The following ETV1 variants were observed in gnomAD, a reference collection of about 807,000 sequenced individuals.
ETV1 encodes ETS translocation variant 1.
ETV1 carries 27 observed loss-of-function variants against 62.3 expected under a neutral mutation model. The ratio of observed to expected loss-of-function variants is 0.43; its 90% CI spans 0.32 to 0.60. ETV1 has a LOEUF of 0.60. Ranked by LOEUF, ETV1 falls within the 20% of genes least tolerant of loss-of-function variation. ETV1 has a pLI of 0.06. For synonymous variants in ETV1, 222 were observed against 199.6 expected, an observed-to-expected ratio of 1.11 and a Z score of -0.94; for missense variants, 605 against 605.8, an observed-to-expected ratio of 1.00 and a Z score of 0.01.
intron 6 of ETV1, 97 bp downstream of exon 6, chr7:13,977,330 G>A (rs1344201601): frequency 1.4e-5 from 11 of 780,158 alleles, no homozygotes; most frequent in African/African-American, 5.3e-5. Flanking sequence ...TACAATGTAA[G>A]ACAAGACACT....
At chr7:13,907,463 A>T (rs1019615119) in intron 11 of ETV1, among the ~76,000 whole-genome samples, 5 of 152,134 alleles carry the variant, frequency 3.3e-5, no homozygotes, top group Non-Finnish European at 5.9e-5. Context: ...CTAGTGTAAA[A>T]ATCTGTTAAA....
At chr7:13,953,787 T>C (rs1365250119) in intron 6 of ETV1, among the ~76,000 whole-genome samples, 2 of 152,146 alleles carry the variant, frequency 1.3e-5, no homozygotes, top group African/African-American at 4.8e-5. Context: ...GCAATCTGTA[T>C]AGATCTCTAA....
chr7:13,990,552 C>T (rs564869120), upstream of ETV1: 2 of 152,340 alleles, frequency 1.3e-5, no homozygotes. Context: ...GTGTCACTTA[C>T]TGTACTTGAC....
intron 9 of ETV1, among the ~76,000 whole-genome samples, chr7:13,916,695 G>A (rs770401456): frequency 3.3e-5 from 5 of 151,972 alleles, no homozygotes; most frequent in Non-Finnish European, 5.9e-5. Context: ...TTGGGAGGCC[G>A]AGGTGGGAGG....
At chr7:13,898,010 C>T (rs1782019382) in intron 13 of ETV1, among the ~76,000 whole-genome samples, 1 of 152,134 alleles carries the variant, frequency 6.6e-6, no homozygotes, top group African/African-American at 2.4e-5. Context: ...CAAGCTTATG[C>T]AATCTCTCAA....
rs140407837 is a variant in ETV1 at position 13,922,253 on chromosome 7, G to T, written c.802+9249C>A. Among the ~76,000 whole-genome samples, 319 of 152,244 alleles carry T rather than the reference G, an allele frequency of 2.1e-3. 1 individual carries two copies. The Middle Eastern group carries it at 0.034, about 16-fold the overall frequency. On this transcript the variant is annotated intron_variant, in intron 9 of 13. Coordinates refer to ENST00000430479, the MANE Select transcript of ETV1 (RefSeq NM_004956.5). ...GCGGGCCTTGAGATAGACTGTTGTG[G>T]TTGCTGAGAAGAGAAGAAGGCATAC...
At chr7:13,909,488 G>C in intron 11 of ETV1, 144 bp downstream of exon 11, 1 of 660,032 alleles carries the variant, frequency 1.5e-6, no homozygotes, top group Non-Finnish European at 2.7e-6. Flanking sequence ...AATTGTAATA[G>C]GTCAACGTTG....
At chr7:13,942,473 A>G (rs1333640322) in intron 6 of ETV1, among the ~76,000 whole-genome samples, 1 of 152,078 alleles carries the variant, frequency 6.6e-6, no homozygotes, top group African/African-American at 2.4e-5. Flanking sequence ...AGCTCGTGTC[A>G]TGGGGGTTTG....
chr7:13,924,763 A>G (rs60333912), intron 9 of ETV1, among the ~76,000 whole-genome samples: 13,490 of 152,252 alleles, frequency 0.089, 1,060 homozygotes, highest in African/African-American at 0.21. Context: ...CTGATGGTAA[A>G]TTACTTCATT....
At chr7:13,972,178 G>A (rs1049571185) in intron 6 of ETV1, among the ~76,000 whole-genome samples, 4 of 152,032 alleles carry the variant, frequency 2.6e-5, no homozygotes, top group Admixed American at 1.3e-4. Context: ...GATGGCTCAT[G>A]CCTGCAATCC....
intron 6 of ETV1, among the ~76,000 whole-genome samples, chr7:13,961,979 C>T (rs1461771526): frequency 6.6e-6 from 1 of 151,806 alleles, no homozygotes; most frequent in African/African-American, 2.4e-5. Context: ...TAGGTGTAGA[C>T]ATTATTTATG....
chr7:13,931,435 A>G, intron 9 of ETV1, 67 bp downstream of exon 9: 1 of 1,590,006 alleles, frequency 6.3e-7, no homozygotes, highest in East Asian at 2.2e-5. Flanking sequence ...TGATACCAAC[A>G]CTAACCAATG....
rs995833171 is a variant in ETV1, at chr7:13,891,636, T to A, written c.*4230A>T. ...ATAAAAAAAGAAGTCCTAAAAGTAC[T>A]AGTTGAGCTCTGAATAAACTGGGTG... On this transcript the variant is annotated 3_prime_UTR_variant, in exon 14 of 14. Coordinates refer to ENST00000430479, the MANE Select transcript of ETV1 (RefSeq NM_004956.5). 5.2e-5 allele frequency: 12 copies of A among 231,790 alleles called. No homozygotes were observed. Among genetic ancestry groups the A allele is most frequent in the African/African-American group, 2.7e-4 (12 of 45,274 alleles). 14.4% of individuals were successfully genotyped at this position (231,790 alleles called of 1,614,324 possible). A position where few individuals can be genotyped will look rare whatever the true frequency, so the allele number is the denominator to read the frequency against.
chr7:13,973,157 C>T (rs973861457), intron 6 of ETV1, among the ~76,000 whole-genome samples: 6 of 152,182 alleles, frequency 3.9e-5, no homozygotes, highest in Admixed American at 3.9e-4. Flanking sequence ...CAGTCAAATG[C>T]ATGTTCTATA....
At chr7:13,978,163 G>C (rs961223116) in intron 5 of ETV1, among the ~76,000 whole-genome samples, 17 of 151,980 alleles carry the variant, frequency 1.1e-4, no homozygotes, top group African/African-American at 4.1e-4. Flanking sequence ...CAACTACTAG[G>C]CATTAACAAA....
intron 3 of ETV1, chr7:13,988,547 T>TCC: frequency 5.9e-6 from 2 of 337,728 alleles, no homozygotes; most frequent in Non-Finnish European, 1.0e-5. Flanking sequence ...CAGCCCCTCC[T>TCC]CCCCACCCCA....
chr7:13,932,072 C>CACACACAAT (rs1786254606), intron 8 of ETV1, among the ~76,000 whole-genome samples: 2 of 129,778 alleles, frequency 1.5e-5, no homozygotes, highest in African/African-American at 6.4e-5. Flanking sequence ...ACACACACAA[C>CACACACAAT]GATTAATGGC....
In ETV1 at chr7:13,896,047, G is replaced by A; in HGVS notation, c.1253C>T (p.Pro418Leu). 1.2e-6 allele frequency: 2 copies of A among 1,613,634 alleles called. No individual in the cohort carries two copies. The highest frequency in any genetic ancestry group is 2.2e-5 in the East Asian group (1 of 44,866). The stretch of plus-strand genomic sequence containing the variant: ...AAAGGCCATGGAGAAAAGGGCTTCT[G>A]GATCACACACAAACTTGTAGACATA... ...ERYVYKFVCD[P>L]EALFSMAFPD... Residue 418 changes from proline (P) to leucine (L), a missense_variant, in exon 14 of 14, where the codon CCA (proline) becomes CTA (leucine). Coordinates refer to ENST00000430479, the MANE Select transcript of ETV1 (RefSeq NM_004956.5).
At chr7:13,924,942 G>A (rs1785237100) in intron 9 of ETV1, among the ~76,000 whole-genome samples, 1 of 152,040 alleles carries the variant, frequency 6.6e-6, no homozygotes, top group Non-Finnish European at 1.5e-5. Context: ...AAAGAGTTAC[G>A]TGCCTCCAAA....
Sources: gnomAD v4.1 joint callset for allele counts (sites outside exome capture counted in the v4.1 genomes callset) on GRCh38, gnomAD v4.1.1 for gene constraint, MANE v1.5 for transcripts, NCBI Gene and HGNC (gene_info 2026-07-23, HGNC 2026-07-21) for gene names.